SRPK2: variants seen among roughly 807,000 people sequenced by gnomAD.
SRPK2 encodes the protein SRSF protein kinase 2, also known as SFRS protein kinase 2.
In SRPK2, 21 loss-of-function variants were observed where a neutral mutation model predicts 90.8. The observed-to-expected ratio is 0.23, with a 90% CI of 0.16 to 0.33. The LOEUF (loss-of-function observed/expected upper bound fraction) is 0.33, where lower values mean the gene tolerates loss of function less well. Among genes scored for constraint, SRPK2 ranks in the 10% least tolerant of loss-of-function variants. The pLI, the probability that SRPK2 is intolerant of heterozygous loss-of-function variation, is 1.00. For synonymous variants in SRPK2, 288 were observed against 311.1 expected (o/e 0.93, Z 0.78); for missense variants, 620 against 869.0 (o/e 0.71, Z 3.60).
intron 2 of SRPK2, chr7:105,332,922 G>C (rs957700973): frequency 3.3e-5 from 5 of 152,086 alleles, no homozygotes; most frequent in Non-Finnish European, 7.3e-5. Context: ...AAGGCCGGGC[G>C]TGTTGGCTCA....
chr7:105,211,327 A>G (rs954204697), intron 2 of SRPK2, among the ~76,000 whole-genome samples: 1 of 152,108 alleles, frequency 6.6e-6, no homozygotes, highest in African/African-American at 2.4e-5. Context: ...TTTTGGGAAT[A>G]GGAGTATCTT....
At chr7:105,354,382 T>G (rs751394440) in intron 2 of SRPK2, among the ~76,000 whole-genome samples, 2 of 152,160 alleles carry the variant, frequency 1.3e-5, no homozygotes, top group African/African-American at 4.8e-5. Flanking sequence ...GATGCTTTTT[T>G]CCTCCTGCAC....
chr7:105,223,593 T>C (rs1201414860), intron 2 of SRPK2, among the ~76,000 whole-genome samples: 1 of 152,194 alleles, frequency 6.6e-6, no homozygotes, highest in African/African-American at 2.4e-5. Flanking sequence ...ATCTCAACTA[T>C]AGCACCTCCC....
intron 8 of SRPK2, among the ~76,000 whole-genome samples, chr7:105,145,991 C>T (rs1011882000): frequency 2.6e-5 from 4 of 152,134 alleles, no homozygotes; most frequent in Non-Finnish European, 5.9e-5. Flanking sequence ...ACCACCTCCC[C>T]GACCCCGCCC....
chr7:105,142,031 G>C lies in SRPK2; in HGVS notation c.1520C>G (p.Ser507Cys). ...SHDRSRTVSA[S>C]STGDLPKAKT... ...ACCTTTTGGCAAATCCCCAGTACTGGAGGCTGAAACCGTTCTGCTTCTGTC... is the reference window on the plus strand; with the variant it reads ...ACCTTTTGGCAAATCCCCAGTACTGCAGGCTGAAACCGTTCTGCTTCTGTC... Residue 507 changes from serine to cysteine, a missense_variant, in exon 11 of 16, where the codon TCC becomes TGC. Physicochemically the swap from Ser to Cys is moderately radical, Grantham distance 112. Coordinates refer to ENST00000393651, the MANE Select transcript of SRPK2 (RefSeq NM_182692.3). 6.2e-7 allele frequency: 1 copy of C among 1,613,074 alleles called. No individual in the cohort carries two copies. Among genetic ancestry groups the C allele is most frequent in the Non-Finnish European group, 8.5e-7 (1 of 1,179,358 alleles).
chr7:105,244,664 T>A, intron 2 of SRPK2: 1 of 989,334 alleles, frequency 1.0e-6, no homozygotes, highest in Non-Finnish European at 1.5e-6. Flanking sequence ...GGCTCTGCGC[T>A]ACCCTATGGC....
intron 2 of SRPK2, among the ~76,000 whole-genome samples, chr7:105,330,819 TA>T (rs558562694): frequency 6.8e-6 from 1 of 148,078 alleles, no homozygotes; most frequent in Admixed American, 6.8e-5. Context: ...TGTCTCTATT[TA>T]AAAAAAAAAG....
intron 7 of SRPK2, among the ~76,000 whole-genome samples, chr7:105,158,500 G>A (rs879270039): frequency 1.3e-5 from 2 of 152,018 alleles, no homozygotes; most frequent in Non-Finnish European, 2.9e-5. Context: ...TGATCCACCC[G>A]CCTTGGCCGC....
intron 6 of SRPK2, among the ~76,000 whole-genome samples, chr7:105,163,474 C>T (rs997883820): frequency 6.6e-6 from 1 of 151,952 alleles, no homozygotes; most frequent in African/African-American, 2.4e-5. Context: ...CCTGCAGCGG[C>T]AGACCATTTG....
intron 2 of SRPK2, among the ~76,000 whole-genome samples, chr7:105,211,842 G>C (rs1344451919): frequency 6.6e-6 from 1 of 152,156 alleles, no homozygotes; most frequent in Admixed American, 6.5e-5. Flanking sequence ...CTAGAACGTA[G>C]TACACAGCCA....
chr7:105,345,750 T>C (rs1242741332), intron 2 of SRPK2, among the ~76,000 whole-genome samples: 1 of 152,342 alleles, frequency 6.6e-6, no homozygotes, highest in South Asian at 2.1e-4. Context: ...CTGTGAGCTC[T>C]TGGGCCTATG....
At chr7:105,275,150 T>C (rs772872001) in intron 2 of SRPK2, among the ~76,000 whole-genome samples, 16 of 152,114 alleles carry the variant, frequency 1.1e-4, no homozygotes, top group Non-Finnish European at 1.5e-4. Flanking sequence ...CCTCCCAAAG[T>C]GCTGGGAGTA....
intron 2 of SRPK2, among the ~76,000 whole-genome samples, chr7:105,362,845 A>G (rs910033642): frequency 5.3e-5 from 8 of 152,210 alleles, no homozygotes; most frequent in African/African-American, 1.9e-4. Context: ...GCACATATAC[A>G]CCACGGAATA....
At chr7:105,275,829 C>G (rs1376102759) in intron 2 of SRPK2, among the ~76,000 whole-genome samples, 3 of 152,150 alleles carry the variant, frequency 2.0e-5, no homozygotes, top group African/African-American at 7.2e-5. Context: ...CACACAGAAG[C>G]TGTGGGCATG....
chr7:105,242,435 C>T (rs1360012945), intron 2 of SRPK2, among the ~76,000 whole-genome samples: 1 of 152,052 alleles, frequency 6.6e-6, no homozygotes, highest in Non-Finnish European at 1.5e-5. Flanking sequence ...TTGCTTGAAC[C>T]TGGGAGGCAG....
At chr7:105,160,457 G>T in intron 7 of SRPK2, 50 bp downstream of exon 7, 1 of 1,052,232 alleles carries the variant, frequency 9.5e-7, no homozygotes, top group Non-Finnish European at 1.5e-6. Flanking sequence ...CATGTTGAAA[G>T]CCTAACCAAT....
intron 2 of SRPK2, among the ~76,000 whole-genome samples, chr7:105,300,720 C>A (rs1162202194): frequency 6.6e-6 from 1 of 152,178 alleles, no homozygotes; most frequent in Non-Finnish European, 1.5e-5. Flanking sequence ...TGAACAGACA[C>A]TTCTCAAAAG....
intron 3 of SRPK2, among the ~76,000 whole-genome samples, chr7:105,185,835 C>T (rs1206423315): frequency 6.6e-6 from 1 of 152,118 alleles, no homozygotes; most frequent in Non-Finnish European, 1.5e-5. Context: ...GTTAGGCACC[C>T]AACATAGCAA....
At chr7:105,379,783 C>A (rs543529777) in intron 2 of SRPK2, among the ~76,000 whole-genome samples, 3 of 152,126 alleles carry the variant, frequency 2.0e-5, no homozygotes, top group Admixed American at 6.6e-5. Flanking sequence ...TCGAGACCAG[C>A]CCGGCCAACA....
Sources: allele counts gnomAD v4.1 joint callset (sites outside exome capture counted in the v4.1 genomes callset), GRCh38; gene constraint gnomAD v4.1.1; transcripts MANE v1.5; gene names NCBI Gene and HGNC (gene_info 2026-07-23, HGNC 2026-07-21).